Variants in WNK1 observed in about 807,000 individuals in gnomAD.
The protein encoded by WNK1 is serine/threonine-protein kinase WNK1.
WNK1 carries 38 observed loss-of-function variants against 222.8 expected under a neutral mutation model. The observed-to-expected ratio is 0.17, with a 90% CI of 0.13 to 0.22. The LOEUF is 0.22. WNK1 is among the 10% of genes least tolerant of loss of function. WNK1 has a pLI of 1.00. For missense variants in WNK1, 2,348 were observed against 2,918.4 expected, an observed-to-expected ratio of 0.80 and a Z score of 4.50; for synonymous variants, 1,090 against 1,092.9, an observed-to-expected ratio of 1.00 and a Z score of 0.05.
intron 1 of WNK1, among the ~76,000 whole-genome samples, chr12:767,291 C>T (rs982243939): frequency 1.1e-4 from 13 of 115,020 alleles, no homozygotes; most frequent in African/African-American, 3.1e-4. Context: ...CTTGCTCTGT[C>T]GCTCACGCTG....
chr12:887,063 T>A (rs958391458), intron 19 of WNK1, among the ~76,000 whole-genome samples, 158 bp from the exon 20 acceptor site: 4 of 152,366 alleles, frequency 2.6e-5, no homozygotes, highest in Admixed American at 2.6e-4. Flanking sequence ...ACCGTTTTTT[T>A]AAGACAGATA....
intron 4 of WNK1, among the ~76,000 whole-genome samples, chr12:850,524 G>A (rs10849569): frequency 3.6e-4 from 48 of 134,026 alleles, no homozygotes; most frequent in South Asian, 1.2e-3. Context: ...TAGGTTGCCT[G>A]TTCACTCTGA....
At chr12:864,620 A>G (rs1044229742) in intron 8 of WNK1, among the ~76,000 whole-genome samples, 3 of 152,234 alleles carry the variant, frequency 2.0e-5, no homozygotes, top group Admixed American at 6.5e-5. Flanking sequence ...GTCTTCTAAA[A>G]TAGAAATGAG....
rs1331169774 is a variant in WNK1 at position 910,588 on chromosome 12, C to CAA, written c.*1798_*1799dup. On this transcript the variant is annotated 3_prime_UTR_variant, in exon 28 of 28. Coordinates refer to ENST00000315939, the MANE Select transcript of WNK1 (RefSeq NM_018979.4). ...TTAGGATCTTTGTTATCTCTGAAGA[C>CAA]AAAGAAAGAAGCTAGGACTCTTAAT... The CAA allele has an allele frequency of 2.6e-5, 4 of 152,142 alleles. No individual in the cohort carries two copies. The highest frequency in any genetic ancestry group is 3.8e-4 in the East Asian group (2 of 5,196). The allele number at this position is 152,142 out of a possible 1,614,324, so 9.4% of individuals were successfully genotyped here. A position where few individuals can be genotyped will look rare whatever the true frequency, so the allele number is the denominator to read the frequency against.
Position 884,318 on chromosome 12 carries a change from G to A in WNK1, c.3844+75G>A, listed in dbSNP as rs1469487226. The A allele has an allele frequency of 3.1e-6, 5 of 1,589,462 alleles. No homozygotes were observed. In the African/African-American group the frequency reaches 6.7e-5, roughly 21 times the overall value. ...GCTATGTTGAAAGCTTAATCATAAA[G>A]CAGTAATTTATGATGACACAGATAA... On this transcript the variant is annotated intron_variant, in intron 18 of 27. Transcript: ENST00000315939. The surrounding 1 kb of genome is among the most constrained non-coding windows in gnomAD (Gnocchi z 5.6).
intron 26 of WNK1, among the ~76,000 whole-genome samples, chr12:905,076 G>C (rs1051844237): frequency 2.0e-5 from 3 of 152,186 alleles, no homozygotes; most frequent in African/African-American, 7.2e-5. Context: ...ATCTGGTGAT[G>C]TGGGAATAGG....
At chr12:861,424 T>G in intron 7 of WNK1, 81 bp downstream of exon 7, 1 of 1,374,222 alleles carries the variant, frequency 7.3e-7, no homozygotes, top group Non-Finnish European at 1.0e-6. Flanking sequence ...TTGCACTGGC[T>G]TTTTGGTTTT....
Position 908,043 on chromosome 12 carries a change from C to G in WNK1, c.6831+9C>G, listed in dbSNP as rs1169106690. On this transcript the variant is annotated intron_variant, in intron 27 of 27. Coordinates refer to ENST00000315939, the MANE Select transcript of WNK1 (RefSeq NM_018979.4). ...GGCACATGAATTACGAGGTAAGTCT[C>G]TCTTTTGCCGCAGAGAATCCGTAAC... 2.5e-6 allele frequency: 4 copies of G among 1,613,906 alleles called. No individual in the cohort carries two copies. Among genetic ancestry groups the G allele is most frequent in the Admixed American group, 3.3e-5 (2 of 60,018 alleles).
At chr12:845,108 G>A (rs1246295689) in intron 4 of WNK1, among the ~76,000 whole-genome samples, 1 of 151,198 alleles carries the variant, frequency 6.6e-6, no homozygotes, top group Non-Finnish European at 1.5e-5. Flanking sequence ...TTTTAGCCGG[G>A]ATGGTCTCGA....
chr12:828,869 A>G (rs1297369835), intron 3 of WNK1, among the ~76,000 whole-genome samples: 2 of 152,224 alleles, frequency 1.3e-5, no homozygotes, highest in Admixed American at 6.5e-5. Flanking sequence ...TTTTTAAGTG[A>G]ACTTGGATAC....
intron 1 of WNK1, among the ~76,000 whole-genome samples, chr12:812,943 A>C (rs1947036058): frequency 6.6e-6 from 1 of 152,136 alleles, no homozygotes; most frequent in Admixed American, 6.5e-5. Context: ...TTATTGCTTA[A>C]AAGAAAAAAA....
intron 4 of WNK1, among the ~76,000 whole-genome samples, chr12:853,587 A>G (rs1950556014): frequency 6.6e-6 from 1 of 152,244 alleles, no homozygotes; most frequent in South Asian, 2.1e-4. Context: ...CTACTTGTCC[A>G]GTTCACACTG....
At chr12:867,321 C>A (rs16931965) in intron 8 of WNK1, among the ~76,000 whole-genome samples, 1 of 152,012 alleles carries the variant, frequency 6.6e-6, no homozygotes, top group African/African-American at 2.4e-5. Context: ...CACCAAAAAT[C>A]TCTTCTGATT....
chr12:870,434 T>C (rs1952046324), intron 8 of WNK1, among the ~76,000 whole-genome samples: 1 of 152,206 alleles, frequency 6.6e-6, no homozygotes, highest in Non-Finnish European at 1.5e-5. Flanking sequence ...ATTATATCCA[T>C]GTAAGCTTTA....
chr12:828,333 C>G (rs893243820), intron 3 of WNK1, among the ~76,000 whole-genome samples: 1 of 151,970 alleles, frequency 6.6e-6, no homozygotes, highest in Non-Finnish European at 1.5e-5. Context: ...AAAGAATAAC[C>G]TCCTAACATT....
intron 26 of WNK1, 77 bp from the exon 27 acceptor site, chr12:907,770 A>G (rs1955830797): frequency 1.2e-5 from 18 of 1,533,572 alleles, no homozygotes. Flanking sequence ...GCCATTCATC[A>G]TCCCGTGAAG....
chr12:865,990 A>G (rs2154069893), intron 8 of WNK1, among the ~76,000 whole-genome samples: 1 of 152,332 alleles, frequency 6.6e-6, no homozygotes, highest in East Asian at 1.9e-4. Context: ...ATGCATATAT[A>G]GTATGTATGA....
chr12:901,431 C>A (rs1955248816), intron 26 of WNK1: 1 of 450,204 alleles, frequency 2.2e-6, no homozygotes, highest in African/African-American at 2.1e-5. Flanking sequence ...TGACCTTCCC[C>A]CCAGAAGCTT....
intron 4 of WNK1, among the ~76,000 whole-genome samples, chr12:830,871 C>T (rs762131322): frequency 1.2e-4 from 19 of 152,166 alleles, no homozygotes; most frequent in Non-Finnish European, 2.4e-4. Context: ...CAAAAATGTC[C>T]GTTGACAGTG....
Sources: gnomAD v4.1 joint callset for allele counts (sites outside exome capture counted in the v4.1 genomes callset) on GRCh38, gnomAD v4.1.1 for gene constraint, Gnocchi (gnomAD v3.1) non-coding constraint, MANE v1.5 for transcripts, NCBI Gene and HGNC (gene_info 2026-07-23, HGNC 2026-07-21) for gene names.